Variants in RANBP2 observed in about 807,000 individuals in gnomAD.
RANBP2 encodes the protein RAN binding protein 2.
A neutral mutation model predicts 303.6 loss-of-function variants in RANBP2; 57 were observed. The observed-to-expected ratio is 0.19, with a 90% CI of 0.15 to 0.23. The LOEUF is 0.23. Among genes scored for constraint, RANBP2 ranks in the 10% least tolerant of loss-of-function variants. The probability of loss-of-function intolerance (pLI) is 1.00; values close to 1 mark genes in which losing one functional copy is unlikely to be tolerated. For synonymous variants in RANBP2, 1,167 were observed against 1,301.5 expected, an observed-to-expected ratio of 0.90 and a Z score of 2.23; for missense variants, 3,138 against 3,780.8, an observed-to-expected ratio of 0.83 and a Z score of 4.46.
the RANBP2 span, among the ~76,000 whole-genome samples, chr2:109,366,021 C>G: frequency 1.3e-5 from 2 of 152,124 alleles, no homozygotes; most frequent in Non-Finnish European, 2.9e-5. Context: ...TAAGACAATT[C>G]TGTTATGAAA....
chr2:108,782,703 T>C lies in RANBP2; in HGVS notation c.9210T>C (p.Val3070=). Residue 3070 remains valine (V), a synonymous_variant, in exon 28 of 29, where the codon GTT becomes GTC. Coordinates refer to ENST00000283195, the MANE Select transcript of RANBP2 (RefSeq NM_006267.5). ...KETNPVVFFD[V]CADGEPLGRI... Reference sequence around the variant, plus strand: ...CCAATCCTGTGGTGTTTTTTGATGTTTGTGCGGACGGTGAACCTCTAGGGC... The same window carrying C: ...CCAATCCTGTGGTGTTTTTTGATGTCTGTGCGGACGGTGAACCTCTAGGGC... 3 of 1,614,246 alleles carry C rather than the reference T, an allele frequency of 1.9e-6. No homozygotes were observed. Among genetic ancestry groups the C allele is most frequent in the South Asian group, 2.2e-5 (2 of 91,086 alleles).
At chr2:109,401,911 C>T in the RANBP2 span, among the ~76,000 whole-genome samples, 14 of 152,306 alleles carry the variant, frequency 9.2e-5, no homozygotes, top group South Asian at 2.1e-4. Flanking sequence ...TAGGGATTGA[C>T]GGGACTGGGA....
At chr2:109,419,744 TTAC>T in the RANBP2 span, 4 of 1,131,086 alleles carry the variant, frequency 3.5e-6, no homozygotes, top group Non-Finnish European at 5.0e-6. Context: ...TTCCCATGTG[TTAC>T]TAGTTGGCCA....
the RANBP2 span, among the ~76,000 whole-genome samples, chr2:109,102,819 A>G: frequency 6.6e-6 from 1 of 152,228 alleles, no homozygotes; most frequent in South Asian, 2.1e-4. Context: ...GCAGAGAATA[A>G]TGGGAGCTAC....
At chr2:108,885,007 A>G in the RANBP2 span, 1 of 152,366 alleles carries the variant, frequency 6.6e-6, no homozygotes, top group East Asian at 1.9e-4. Context: ...AGCTAATTGG[A>G]ATATTGTAAT....
the RANBP2 span, among the ~76,000 whole-genome samples, chr2:109,198,079 T>G: frequency 6.6e-6 from 1 of 152,150 alleles, no homozygotes. Context: ...CAGTTGGGGG[T>G]GCTCGGGAGT....
At chr2:108,749,992 A>G (rs1179629471) in intron 9 of RANBP2, among the ~76,000 whole-genome samples, 3 of 152,208 alleles carry the variant, frequency 2.0e-5, no homozygotes, top group Non-Finnish European at 2.9e-5. Flanking sequence ...TCTACTAAAA[A>G]TACAAAAATT....
the RANBP2 span, among the ~76,000 whole-genome samples, chr2:109,222,603 G>A: frequency 6.6e-6 from 1 of 152,348 alleles, no homozygotes; most frequent in African/African-American, 2.4e-5. Context: ...CACAGCACGC[G>A]TGTGCCCTGG....
At chr2:109,080,481 A>T in the RANBP2 span, among the ~76,000 whole-genome samples, 5 of 152,150 alleles carry the variant, frequency 3.3e-5, no homozygotes, top group South Asian at 1.0e-3. Flanking sequence ...GAAACTGGAG[A>T]GTGGGAACCA....
At chr2:109,302,015 C>G in the RANBP2 span, among the ~76,000 whole-genome samples, 1 of 152,220 alleles carries the variant, frequency 6.6e-6, no homozygotes, top group South Asian at 2.1e-4. Context: ...CTCAGTTCTT[C>G]TCAGGAAGCC....
chr2:109,518,244 A>T, the RANBP2 span, among the ~76,000 whole-genome samples: 1 of 152,194 alleles, frequency 6.6e-6, no homozygotes, highest in African/African-American at 2.4e-5. Flanking sequence ...GTTCCTACAC[A>T]TCTCTTGTTT....
chr2:108,741,234 G>A (rs563289072), intron 7 of RANBP2, among the ~76,000 whole-genome samples: 5 of 151,900 alleles, frequency 3.3e-5, no homozygotes, highest in African/African-American at 1.2e-4. Context: ...AAGTCTCTCT[G>A]TCACCAGGCT....
chr2:109,152,237 G>A, the RANBP2 span, among the ~76,000 whole-genome samples: 1 of 152,226 alleles, frequency 6.6e-6, no homozygotes, highest in South Asian at 2.1e-4. Context: ...CATTTTCCGA[G>A]GTGACAGGCA....
chr2:108,792,398 A>G, the RANBP2 span, among the ~76,000 whole-genome samples: 1 of 152,200 alleles, frequency 6.6e-6, no homozygotes, highest in Admixed American at 6.5e-5. Context: ...TTCCTGCTAT[A>G]TGGTCGATTT....
chr2:109,465,607 A>G, the RANBP2 span, among the ~76,000 whole-genome samples: 1 of 152,216 alleles, frequency 6.6e-6, no homozygotes, highest in Non-Finnish European at 1.5e-5. Context: ...GCACTGCTAT[A>G]AAGAAATACC....
the RANBP2 span, among the ~76,000 whole-genome samples, chr2:109,101,208 T>C: frequency 6.6e-6 from 1 of 152,070 alleles, no homozygotes; most frequent in South Asian, 2.1e-4. Flanking sequence ...CGTATATTAC[T>C]TTCATAAAAA....
At chr2:108,776,558 G>C (rs1677907782) in intron 24 of RANBP2, among the ~76,000 whole-genome samples, 1 of 152,096 alleles carries the variant, frequency 6.6e-6, no homozygotes, top group African/African-American at 2.4e-5. Context: ...GCATTTGAGA[G>C]TCTTAATGTG....
At chr2:109,189,901 C>A in the RANBP2 span, among the ~76,000 whole-genome samples, 3 of 152,272 alleles carry the variant, frequency 2.0e-5, no homozygotes, top group South Asian at 4.1e-4. Flanking sequence ...ATCATACTTT[C>A]TGCACTTGAT....
At chr2:109,062,611 A>AT in the RANBP2 span, among the ~76,000 whole-genome samples, 1 of 151,978 alleles carries the variant, frequency 6.6e-6, no homozygotes, top group African/African-American at 2.4e-5. Context: ...AGGTGGATGC[A>AT]TTTTTCCCAT....
Sources: allele counts gnomAD v4.1 joint callset (sites outside exome capture counted in the v4.1 genomes callset), GRCh38; gene constraint gnomAD v4.1.1; transcripts MANE v1.5; gene names NCBI Gene and HGNC (gene_info 2026-07-23, HGNC 2026-07-21).